Variants in AKAP19 observed in about 807,000 individuals in gnomAD.
AKAP19 encodes the protein small A-kinase anchoring protein.
chr2:189,899,145 T>C, the AKAP19 span, among the ~76,000 whole-genome samples: 1 of 152,264 alleles, frequency 6.6e-6, no homozygotes, highest in South Asian at 2.1e-4. Context: ...CCAGCAAACT[T>C]CTATTTATCT....
chr2:190,101,013 G>C, the AKAP19 span, among the ~76,000 whole-genome samples: 1 of 152,208 alleles, frequency 6.6e-6, no homozygotes, highest in Non-Finnish European at 1.5e-5. Context: ...AACTTGGGGA[G>C]AGGCTTGGAG....
the AKAP19 span, among the ~76,000 whole-genome samples, chr2:190,035,638 C>T: frequency 2.3e-3 from 354 of 151,584 alleles, 5 homozygotes; most frequent in Admixed American, 5.9e-3. Flanking sequence ...ATTTTCATTC[C>T]TGGAATTTTG....
chr2:190,146,851 AT>A, the AKAP19 span, among the ~76,000 whole-genome samples: 1 of 151,732 alleles, frequency 6.6e-6, no homozygotes, highest in Non-Finnish European at 1.5e-5. Context: ...GGGATTGTTT[AT>A]TTTTTTCTTA....
At chr2:189,906,558 C>T in the AKAP19 span, among the ~76,000 whole-genome samples, 2 of 152,200 alleles carry the variant, frequency 1.3e-5, no homozygotes, top group Admixed American at 1.3e-4. Flanking sequence ...TTTACACTCT[C>T]TAGAATTTAC....
chr2:189,894,801 T>A, the AKAP19 span, among the ~76,000 whole-genome samples: 1 of 151,578 alleles, frequency 6.6e-6, no homozygotes, highest in Admixed American at 6.6e-5. Flanking sequence ...TTGATGTCTT[T>A]TCTTAAAATG....
chr2:190,165,309 C>T, the AKAP19 span, among the ~76,000 whole-genome samples: 2 of 151,800 alleles, frequency 1.3e-5, no homozygotes, highest in Admixed American at 6.6e-5. Flanking sequence ...TGGTGGTGGG[C>T]GCCTGTACTC....
chr2:189,993,940 T>C, the AKAP19 span, among the ~76,000 whole-genome samples: 1 of 152,124 alleles, frequency 6.6e-6, no homozygotes, highest in Non-Finnish European at 1.5e-5. Flanking sequence ...TTTGTTTGTC[T>C]TGTCAAAAAG....
At chr2:190,163,425 C>T in the AKAP19 span, among the ~76,000 whole-genome samples, 3 of 149,112 alleles carry the variant, frequency 2.0e-5, no homozygotes, top group East Asian at 3.9e-4. Flanking sequence ...CACAGCGAGA[C>T]TCCGTCTCAA....
At chr2:189,958,158 A>G in the AKAP19 span, among the ~76,000 whole-genome samples, 1 of 152,328 alleles carries the variant, frequency 6.6e-6, no homozygotes, top group African/African-American at 2.4e-5. Flanking sequence ...AGTGTCTTGA[A>G]CATATAAAAA....
chr2:189,969,898 G>T, the AKAP19 span, among the ~76,000 whole-genome samples: 1 of 133,074 alleles, frequency 7.5e-6, no homozygotes, highest in Admixed American at 8.2e-5. Context: ...TTGAGACAGG[G>T]TCTCACTCTG....
the AKAP19 span, among the ~76,000 whole-genome samples, chr2:189,899,784 A>G: frequency 1.2e-5 from 1 of 84,002 alleles, no homozygotes; most frequent in Non-Finnish European, 2.5e-5. Flanking sequence ...TGTTATTATA[A>G]AAGTATTATC....
chr2:189,973,643 G>T, the AKAP19 span, among the ~76,000 whole-genome samples: 9 of 152,156 alleles, frequency 5.9e-5, no homozygotes, highest in East Asian at 7.7e-4. Context: ...AGGCTATTAA[G>T]TATTGCCTCA....
the AKAP19 span, among the ~76,000 whole-genome samples, chr2:190,171,145 A>G: frequency 4.8e-3 from 737 of 152,272 alleles, 3 homozygotes; most frequent in Middle Eastern, 0.017. Context: ...TTCTCCTTTC[A>G]TATAGAGCAT....
At chr2:189,882,869 G>A in the AKAP19 span, among the ~76,000 whole-genome samples, 5 of 151,882 alleles carry the variant, frequency 3.3e-5, no homozygotes, top group Non-Finnish European at 5.9e-5. Flanking sequence ...TTTGTCTGAT[G>A]TATTATAGTT....
the AKAP19 span, among the ~76,000 whole-genome samples, chr2:190,112,548 AAAGT>A: frequency 1.3e-5 from 2 of 152,284 alleles, no homozygotes; most frequent in Admixed American, 1.3e-4. Context: ...GATAACTATC[AAAGT>A]AAGGGAATTC....
chr2:190,047,956 A>G, the AKAP19 span, among the ~76,000 whole-genome samples: 2 of 152,212 alleles, frequency 1.3e-5, no homozygotes, highest in African/African-American at 4.8e-5. Flanking sequence ...TAAATGTCCG[A>G]CACCTGCATT....
At chr2:189,981,047 A>G in the AKAP19 span, among the ~76,000 whole-genome samples, 2 of 152,208 alleles carry the variant, frequency 1.3e-5, no homozygotes, top group African/African-American at 4.8e-5. Flanking sequence ...CATTTGATCA[A>G]GAGTCCAATT....
chr2:189,989,826 A>C, the AKAP19 span, among the ~76,000 whole-genome samples: 1 of 152,164 alleles, frequency 6.6e-6, no homozygotes, highest in African/African-American at 2.4e-5. Flanking sequence ...GCAAGAGTTG[A>C]ATAGTAAAAA....
the AKAP19 span, among the ~76,000 whole-genome samples, chr2:190,141,900 T>C: frequency 6.6e-6 from 1 of 152,198 alleles, no homozygotes; most frequent in Non-Finnish European, 1.5e-5. Context: ...AGGCAGTAAT[T>C]TTATTTAAAA....
Sources: gnomAD v4.1 joint callset for allele counts (sites outside exome capture counted in the v4.1 genomes callset) on GRCh38, gnomAD v4.1.1 for gene constraint, MANE v1.5 for transcripts, NCBI Gene and HGNC (gene_info 2026-07-23, HGNC 2026-07-21) for gene names.